Variants in ANKS1B observed in about 807,000 individuals in gnomAD.
ANKS1B encodes the protein ankyrin repeat and sterile alpha motif domain-containing protein 1B.
In ANKS1B, 36 loss-of-function variants were observed where a neutral mutation model predicts 148.3. The observed-to-expected ratio is 0.24, with a 90% CI of 0.19 to 0.32. The LOEUF is 0.32. Ranked by LOEUF, ANKS1B falls within the 10% of genes least tolerant of loss-of-function variation. The pLI is 1.00. For synonymous variants in ANKS1B, 542 were observed against 560.8 expected (o/e 0.97, Z 0.47); for missense variants, 1,157 against 1,542.6 (o/e 0.75, Z 4.19).
chr12:99,730,783 CAT>C, intron 8 of ANKS1B, among the ~76,000 whole-genome samples: 1 of 152,212 alleles, frequency 6.6e-6, no homozygotes, highest in East Asian at 1.9e-4. Context: ...CTCAGTTCCC[CAT>C]AGAGTCTTGC....
intron 10 of ANKS1B, among the ~76,000 whole-genome samples, chr12:99,468,376 T>C (rs1266916295): frequency 6.6e-6 from 1 of 152,160 alleles, no homozygotes; most frequent in African/African-American, 2.4e-5. Flanking sequence ...GACATAGGCA[T>C]GGGCAAGGAC....
intron 17 of ANKS1B, among the ~76,000 whole-genome samples, chr12:98,901,530 T>C (rs1596545601): frequency 6.6e-6 from 1 of 152,244 alleles, no homozygotes; most frequent in African/African-American, 2.4e-5. Context: ...ACTAAGTTAC[T>C]GTAGAGACAG....
At chr12:99,499,628 A>G (rs923044040) in intron 10 of ANKS1B, among the ~76,000 whole-genome samples, 1 of 152,114 alleles carries the variant, frequency 6.6e-6, no homozygotes, top group Non-Finnish European at 1.5e-5. Context: ...GAATCCCAAC[A>G]CAGACCACGA....
At chr12:99,004,380 T>C (rs1011951247) in intron 17 of ANKS1B, among the ~76,000 whole-genome samples, 1 of 152,166 alleles carries the variant, frequency 6.6e-6, no homozygotes, top group Non-Finnish European at 1.5e-5. Context: ...ATAGGGTTGT[T>C]TGAAAGACTA....
chr12:99,484,293 T>G (rs878950349), intron 10 of ANKS1B, among the ~76,000 whole-genome samples: 2 of 152,076 alleles, frequency 1.3e-5, no homozygotes, highest in Admixed American at 1.3e-4. Flanking sequence ...TTTCCATGCG[T>G]TTTTATAGTT....
intron 17 of ANKS1B, among the ~76,000 whole-genome samples, chr12:98,853,681 C>G (rs987903173): frequency 6.6e-6 from 1 of 152,222 alleles, no homozygotes; most frequent in African/African-American, 2.4e-5. Flanking sequence ...TCACTGCACT[C>G]TGTCATTTTT....
At chr12:99,125,889 C>A (rs1260292194) in intron 15 of ANKS1B, among the ~76,000 whole-genome samples, 1 of 150,946 alleles carries the variant, frequency 6.6e-6, no homozygotes, top group Non-Finnish European at 1.5e-5. Context: ...ATATTTCTGT[C>A]TATAAAAAGA....
At chr12:99,280,426 A>C (rs956304417) in intron 12 of ANKS1B, among the ~76,000 whole-genome samples, 6 of 152,170 alleles carry the variant, frequency 3.9e-5, no homozygotes, top group Non-Finnish European at 7.3e-5. Context: ...TGGACAATGG[A>C]ATATAAGCAC....
chr12:99,090,154 G>A (rs897283719), intron 15 of ANKS1B, among the ~76,000 whole-genome samples: 1 of 152,116 alleles, frequency 6.6e-6, no homozygotes, highest in Non-Finnish European at 1.5e-5. Context: ...ATGAAAAGCA[G>A]TGTTTTGTAT....
At chr12:99,472,730 A>G (rs914477136) in intron 10 of ANKS1B, among the ~76,000 whole-genome samples, 2 of 152,082 alleles carry the variant, frequency 1.3e-5, no homozygotes, top group African/African-American at 4.8e-5. Flanking sequence ...AGTAGTAACA[A>G]TGCTGTCATC....
At chr12:99,206,701 G>A (rs745582293) in intron 14 of ANKS1B, among the ~76,000 whole-genome samples, 1 of 152,126 alleles carries the variant, frequency 6.6e-6, no homozygotes, top group African/African-American at 2.4e-5. Context: ...CAGGCACAGA[G>A]AATGTTTTCT....
At position 99,812,624 on chromosome 12, in the gene ANKS1B, G is replaced by A. The variant is rs61940296; in HGVS notation, c.216-313C>T. Among the ~76,000 whole-genome samples the A allele has an allele frequency of 8.3e-4, 124 of 149,050 alleles. 1 individual carries two copies. Among genetic ancestry groups the A allele is most frequent in the Non-Finnish European group, 1.5e-3 (100 of 67,364 alleles). Reference sequence around the variant, plus strand: ...GACTAACCAATTAAACTACTTAATAGAATTCATATAAGCAAAACTTAACTT... The same window carrying A: ...GACTAACCAATTAAACTACTTAATAAAATTCATATAAGCAAAACTTAACTT... On this transcript the variant is annotated intron_variant, in intron 2 of 26. Transcript: ENST00000683438.
intron 12 of ANKS1B, among the ~76,000 whole-genome samples, chr12:99,339,653 T>C (rs562844334): frequency 6.6e-6 from 1 of 152,306 alleles, no homozygotes; most frequent in Non-Finnish European, 1.5e-5. Context: ...TGTTAGGATG[T>C]ATTAATTTCA....
At chr12:99,976,331 T>C (rs1386954413) in intron 1 of ANKS1B, among the ~76,000 whole-genome samples, 1 of 152,210 alleles carries the variant, frequency 6.6e-6, no homozygotes, top group Non-Finnish European at 1.5e-5. Context: ...ACTTCCTGTA[T>C]CTAAAATCTG....
intron 12 of ANKS1B, among the ~76,000 whole-genome samples, chr12:99,373,964 C>T (rs73151120): frequency 0.12 from 18,901 of 152,118 alleles, 1,234 homozygotes; most frequent in African/African-American, 0.17. Context: ...TTGAGAAAGT[C>T]ATGTAACAAA....
At chr12:98,841,583 T>C (rs1181249468) in intron 17 of ANKS1B, among the ~76,000 whole-genome samples, 2 of 152,172 alleles carry the variant, frequency 1.3e-5, no homozygotes, top group African/African-American at 4.8e-5. Context: ...ACTAAAGTTT[T>C]AAAAATGCAT....
At chr12:99,415,636 C>G (rs1476265320) in intron 11 of ANKS1B, among the ~76,000 whole-genome samples, 1 of 152,148 alleles carries the variant, frequency 6.6e-6, no homozygotes, top group Non-Finnish European at 1.5e-5. Flanking sequence ...AGTGCAACAT[C>G]GTAAAAAGGA....
chr12:98,861,365 A>C (rs1347176733), intron 17 of ANKS1B, among the ~76,000 whole-genome samples: 1 of 152,212 alleles, frequency 6.6e-6, no homozygotes, highest in Non-Finnish European at 1.5e-5. Context: ...GTCTTGGAAA[A>C]AAACAAAAGA....
intron 13 of ANKS1B, 106 bp downstream of exon 13, chr12:99,246,169 T>C: frequency 2.4e-6 from 2 of 836,796 alleles, no homozygotes; most frequent in Non-Finnish European, 3.5e-6. Flanking sequence ...CCGTATGCTT[T>C]TTTTTTTCTT....
Sources: gnomAD v4.1 joint callset for allele counts (sites outside exome capture counted in the v4.1 genomes callset) on GRCh38, gnomAD v4.1.1 for gene constraint, MANE v1.5 for transcripts, NCBI Gene and HGNC (gene_info 2026-07-23, HGNC 2026-07-21) for gene names.